PRUNE2: variants seen among roughly 807,000 people sequenced by gnomAD.
PRUNE2 encodes protein prune homolog 2.
A neutral mutation model predicts 252.0 loss-of-function variants in PRUNE2; 164 were observed. The observed-to-expected ratio is 0.65, with a 90% CI of 0.57 to 0.74. The LOEUF (loss-of-function observed/expected upper bound fraction) is 0.74, where lower values mean the gene tolerates loss of function less well. PRUNE2 is among the 30% of genes least tolerant of loss of function. The pLI, the probability that PRUNE2 is intolerant of heterozygous loss-of-function variation, is 0.00. For synonymous variants in PRUNE2, 1,292 were observed against 1,350.2 expected (o/e 0.96, Z 0.94); for missense variants, 3,495 against 3,711.0 (o/e 0.94, Z 1.51).
chr9:76,734,221 G>C (rs942522810), intron 6 of PRUNE2, among the ~76,000 whole-genome samples: 1 of 152,068 alleles, frequency 6.6e-6, no homozygotes, highest in African/African-American at 2.4e-5. Context: ...ATGTTTGTAA[G>C]GTGCCTTCCA....
chr9:76,801,020 CCAGT>C (rs750284139), intron 6 of PRUNE2, among the ~76,000 whole-genome samples: 9 of 152,166 alleles, frequency 5.9e-5, no homozygotes, highest in African/African-American at 2.2e-4. Context: ...GTTTTCCTTA[CCAGT>C]CAAACGCAAA....
At chr9:76,730,684 G>C (rs917529217) in intron 6 of PRUNE2, among the ~76,000 whole-genome samples, 4 of 152,196 alleles carry the variant, frequency 2.6e-5, no homozygotes, top group African/African-American at 9.7e-5. Flanking sequence ...GGCAGATCAC[G>C]AGGTCAGGAG....
chr9:76,843,771 C>T (rs1177841969), intron 4 of PRUNE2, among the ~76,000 whole-genome samples: 4 of 145,588 alleles, frequency 2.7e-5, no homozygotes, highest in Non-Finnish European at 4.5e-5. Flanking sequence ...CCTTGTGCCT[C>T]AGGCTGGAGT....
chr9:76,854,875 C>T (rs1282529576), intron 1 of PRUNE2, among the ~76,000 whole-genome samples: 1 of 151,308 alleles, frequency 6.6e-6, no homozygotes, highest in African/African-American at 2.4e-5. Context: ...TCATCTTGGC[C>T]AATATGGTGA....
intron 4 of PRUNE2, among the ~76,000 whole-genome samples, chr9:76,832,948 T>C (rs1212857289): frequency 1.3e-5 from 2 of 152,022 alleles, no homozygotes; most frequent in East Asian, 3.9e-4. Context: ...ACTAGGAAAA[T>C]TCAACTTGCC....
At chr9:76,681,356 G>C (rs937845597) in intron 9 of PRUNE2, among the ~76,000 whole-genome samples, 1 of 151,652 alleles carries the variant, frequency 6.6e-6, no homozygotes, top group African/African-American at 2.4e-5. Context: ...TGGAGATCTA[G>C]GCACGGCAAT....
rs906101563 is a variant in PRUNE2, at chr9:76,838,315, AAT to A, written c.508+8198_508+8199del. 5.3e-5 allele frequency among the ~76,000 whole-genome samples: 8 copies of A among 152,096 alleles called. 1 individual carries two copies. Among genetic ancestry groups the A allele is most frequent in the African/African-American group, 1.9e-4 (8 of 41,392 alleles). On this transcript the variant is annotated intron_variant, in intron 4 of 18. Transcript: ENST00000376718. The stretch of plus-strand genomic sequence containing the variant: ...AGGTAGAGATCTAAAAACAATGAGT[AAT>A]ATATACTGTATGATGCCATTTATAT...
intron 6 of PRUNE2, among the ~76,000 whole-genome samples, chr9:76,745,967 A>G (rs1172967504): frequency 6.6e-6 from 1 of 152,232 alleles, no homozygotes; most frequent in Admixed American, 6.5e-5. Context: ...CCCTACAGGC[A>G]TCAGTCAGTG....
chr9:76,734,549 G>T (rs1428224937), intron 6 of PRUNE2, among the ~76,000 whole-genome samples: 1 of 152,170 alleles, frequency 6.6e-6, no homozygotes, highest in East Asian at 1.9e-4. Context: ...TTATCAACAG[G>T]ATTAAATGAG....
In PRUNE2 at chr9:76,754,500, G is replaced by A. The variant is rs17784749; in HGVS notation, c.757-40779C>T. 3.5e-3 allele frequency among the ~76,000 whole-genome samples: 538 copies of A among 152,246 alleles called. 1 individual carries two copies. Among genetic ancestry groups the A allele is most frequent in the Non-Finnish European group, 4.9e-3 (331 of 68,002 alleles). ...ATTTTCTAAGGAGTGCCTTCGGGTGGTTCTTACCTTAATTCAACTCCTTGC... is the reference window on the plus strand; with the variant it reads ...ATTTTCTAAGGAGTGCCTTCGGGTGATTCTTACCTTAATTCAACTCCTTGC... On this transcript the variant is annotated intron_variant, in intron 6 of 18. Transcript: ENST00000376718.
intron 9 of PRUNE2, among the ~76,000 whole-genome samples, chr9:76,686,216 G>T (rs1168833952): frequency 6.6e-6 from 1 of 152,114 alleles, no homozygotes; most frequent in Admixed American, 6.5e-5. Context: ...AATAATTGTT[G>T]TTCACAGAGT....
intron 9 of PRUNE2, among the ~76,000 whole-genome samples, chr9:76,690,381 G>GA (rs1231071528): frequency 2.0e-5 from 3 of 152,124 alleles, no homozygotes; most frequent in South Asian, 4.1e-4. Flanking sequence ...AGTTAAGTAG[G>GA]AAAAAAACCC....
Position 76,638,292 on chromosome 9 carries a change from G to A in PRUNE2, c.8729-4C>T, listed in dbSNP as rs769570048. ...TTTAGACCGTCCCCATAGTATCCTG[G>A]GGGACAAACAAAAAGACACTTGTAA... On this transcript the variant is annotated splice_polypyrimidine_tract_variant and splice_region_variant and intron_variant, in intron 12 of 18. Coordinates refer to ENST00000376718, the MANE Select transcript of PRUNE2 (RefSeq NM_015225.3). The A allele has an allele frequency of 6.2e-7, 1 of 1,606,434 alleles. No homozygotes were observed. The highest frequency in any genetic ancestry group is 8.5e-7 in the Non-Finnish European group (1 of 1,173,440).
chr9:76,677,284 A>T (rs997254307), intron 9 of PRUNE2, among the ~76,000 whole-genome samples: 13 of 151,532 alleles, frequency 8.6e-5, no homozygotes, highest in Middle Eastern at 3.4e-3. Context: ...TTATTTGCTT[A>T]AAAAAAATTC....
chr9:76,748,032 A>G (rs2050291435), intron 6 of PRUNE2, among the ~76,000 whole-genome samples: 1 of 151,994 alleles, frequency 6.6e-6, no homozygotes. Context: ...TCCCGACCTC[A>G]TGATCCACCC....
At chr9:76,715,590 G>T (rs554806087) in intron 6 of PRUNE2, among the ~76,000 whole-genome samples, 1 of 152,192 alleles carries the variant, frequency 6.6e-6, no homozygotes, top group East Asian at 1.9e-4. Flanking sequence ...AGTCATATGC[G>T]TTTGGAACAT....
At chr9:76,650,919 G>T (rs1346164653) in intron 11 of PRUNE2, among the ~76,000 whole-genome samples, 1 of 152,148 alleles carries the variant, frequency 6.6e-6, no homozygotes, top group Non-Finnish European at 1.5e-5. Flanking sequence ...AGAGGGGCCA[G>T]TTGGGTCATG....
intron 6 of PRUNE2, among the ~76,000 whole-genome samples, chr9:76,730,321 A>C (rs1462870508): frequency 2.0e-5 from 3 of 152,230 alleles, no homozygotes; most frequent in African/African-American, 7.2e-5. Context: ...CTACTGTCAG[A>C]GGTAACTGTG....
At chr9:76,672,760 C>T (rs1219125059) in intron 9 of PRUNE2, among the ~76,000 whole-genome samples, 4 of 136,234 alleles carry the variant, frequency 2.9e-5, no homozygotes, top group South Asian at 2.7e-4. Context: ...CACTCAAAAC[C>T]GCTCAACTAC....
Sources: gnomAD v4.1 joint callset for allele counts (sites outside exome capture counted in the v4.1 genomes callset) on GRCh38, gnomAD v4.1.1 for gene constraint, MANE v1.5 for transcripts, NCBI Gene and HGNC (gene_info 2026-07-23, HGNC 2026-07-21) for gene names.